The following MGAT5 variants were observed in gnomAD, a reference collection of about 807,000 sequenced individuals.
MGAT5 encodes alpha-1,6-mannosylglycoprotein 6-beta-N-acetylglucosaminyltransferase A.
Under a neutral mutation model 94.3 loss-of-function variants are expected in MGAT5, and 30 were observed. That is an observed-to-expected ratio of 0.32 (90% confidence interval 0.24 to 0.43). MGAT5 has a LOEUF of 0.43. MGAT5 is among the 20% of genes least tolerant of loss of function. MGAT5 has a pLI of 1.00. For missense variants in MGAT5, 691 were observed against 905.5 expected (o/e 0.76, Z 3.04); for synonymous variants, 310 against 322.9 (o/e 0.96, Z 0.43).
At chr2:134,179,134 TTCTTCTTCTACCTGGTTA>T (rs1688612957) in intron 1 of MGAT5, among the ~76,000 whole-genome samples, 4 of 152,174 alleles carry the variant, frequency 2.6e-5, no homozygotes, top group Admixed American at 2.0e-4. Context: ...CAAATAAGTG[TTCTTCTTCTACCTGGTTA>T]GTACCGTGTT....
chr2:134,274,397 C>A (rs538346034), intron 2 of MGAT5, among the ~76,000 whole-genome samples: 1 of 152,234 alleles, frequency 6.6e-6, no homozygotes, highest in South Asian at 2.1e-4. Flanking sequence ...TAGCAGACAC[C>A]GCCTAAGAAG....
chr2:134,161,239 C>G (rs1336577118), intron 1 of MGAT5, among the ~76,000 whole-genome samples: 1 of 152,208 alleles, frequency 6.6e-6, no homozygotes. Flanking sequence ...GATAACTGAG[C>G]AGGACCCGGG....
At chr2:134,243,459 G>A (rs1371876293) in intron 1 of MGAT5, among the ~76,000 whole-genome samples, 31 of 152,152 alleles carry the variant, frequency 2.0e-4, no homozygotes, top group Admixed American at 2.0e-3. Flanking sequence ...CAGTGTTTGG[G>A]AGAGTTGACC....
chr2:134,432,873 A>G (rs1260053870), intron 14 of MGAT5, among the ~76,000 whole-genome samples: 2 of 152,234 alleles, frequency 1.3e-5, no homozygotes, highest in South Asian at 2.1e-4. Flanking sequence ...AGCCTTCGCT[A>G]CGAGTTGCCG....
At position 134,213,035 on chromosome 2, in the gene MGAT5, A is replaced by G. The variant is rs369359923; in HGVS notation, c.-142-41227A>G. ...ATTGAAATACTGTTTTGCTGTTTGG[A>G]AGAGTCAGGTCTGCATAGGCCTTTT... On this transcript the variant is annotated intron_variant, in intron 1 of 16. Transcript: ENST00000409645. Among the ~76,000 whole-genome samples, 3 of 152,268 alleles carry G rather than the reference A, an allele frequency of 2.0e-5. No individual in the cohort carries two copies. In the East Asian group the frequency reaches 5.8e-4, roughly 29 times the overall value.
intron 1 of MGAT5, among the ~76,000 whole-genome samples, chr2:134,180,376 A>G (rs1688676791): frequency 1.3e-5 from 2 of 152,202 alleles, no homozygotes; most frequent in Non-Finnish European, 2.9e-5. Flanking sequence ...CTCTAGGGCT[A>G]TTTTTAATAC....
At chr2:134,223,687 A>G (rs1457713665) in intron 1 of MGAT5, among the ~76,000 whole-genome samples, 2 of 152,162 alleles carry the variant, frequency 1.3e-5, no homozygotes, top group Non-Finnish European at 2.9e-5. Context: ...TTTTTTTATT[A>G]AAGAGAATAT....
chr2:134,246,899 A>G (rs111337576), intron 1 of MGAT5, among the ~76,000 whole-genome samples: 5,537 of 152,322 alleles, frequency 0.036, 158 homozygotes, highest in Non-Finnish European at 0.054. Flanking sequence ...GTAAAAAGGT[A>G]TTTTATACAT....
intron 1 of MGAT5, among the ~76,000 whole-genome samples, chr2:134,192,284 C>T (rs1311587483): frequency 6.6e-6 from 1 of 152,194 alleles, no homozygotes; most frequent in African/African-American, 2.4e-5. Context: ...TTCCTCCTCC[C>T]ATGAGTGTGC....
chr2:134,326,757 G>A (rs1209541058), intron 4 of MGAT5, among the ~76,000 whole-genome samples: 3 of 152,144 alleles, frequency 2.0e-5, no homozygotes. Context: ...ATACTAAAGA[G>A]AGGGCAAGAA....
At chr2:134,192,782 T>C (rs950254081) in intron 1 of MGAT5, among the ~76,000 whole-genome samples, 3 of 152,156 alleles carry the variant, frequency 2.0e-5, no homozygotes, top group Admixed American at 2.0e-4. Flanking sequence ...AGCTTTTAAA[T>C]TGTGGTAAAA....
chr2:134,361,610 G>A (rs548975691), intron 9 of MGAT5, among the ~76,000 whole-genome samples: 53 of 152,172 alleles, frequency 3.5e-4, no homozygotes, highest in Non-Finnish European at 6.5e-4. Context: ...TTCCAGAATA[G>A]CCTACTCTGT....
At chr2:134,157,030 A>G (rs1430874494) in intron 1 of MGAT5, among the ~76,000 whole-genome samples, 1 of 152,316 alleles carries the variant, frequency 6.6e-6, no homozygotes, top group South Asian at 2.1e-4. Flanking sequence ...AACCAAAATC[A>G]TCATCTAAGT....
At chr2:134,270,305 T>C in intron 1 of MGAT5, 81 bp from the exon 2 acceptor site, 3 of 1,348,232 alleles carry the variant, frequency 2.2e-6, no homozygotes, top group Non-Finnish European at 3.1e-6. Context: ...GAAGTTTTGT[T>C]CTCCACGATA....
At chr2:134,253,516 T>C, upstream of MGAT5, among the ~76,000 whole-genome samples, 1 of 152,240 alleles carries the variant, frequency 6.6e-6, no homozygotes, top group East Asian at 1.9e-4. Flanking sequence ...TTTTGCCTCA[T>C]GGTGGGAGTG....
At position 134,448,929 on chromosome 2, in the gene MGAT5, C is replaced by A; in HGVS notation, c.*82C>A. The A allele has an allele frequency of 7.2e-7, 1 of 1,395,782 alleles. No homozygotes were observed. The highest frequency in any genetic ancestry group is 1.3e-5 in the South Asian group (1 of 80,000). 86.5% of individuals were successfully genotyped at this position (1,395,782 alleles called of 1,614,324 possible). A position where few individuals can be genotyped will look rare whatever the true frequency, so the allele number is the denominator to read the frequency against. ...GTCAGGCAGGGCCAGGGACAGAAGT[C>A]ATGCAGGGACTCTGGCAAGAGCCTG... On this transcript the variant is annotated 3_prime_UTR_variant, in exon 16 of 16. Transcript: ENST00000281923.
At chr2:134,402,518 G>A (rs756125715) in intron 10 of MGAT5, among the ~76,000 whole-genome samples, 2 of 152,290 alleles carry the variant, frequency 1.3e-5, no homozygotes, top group Middle Eastern at 6.8e-3. Context: ...GCTGGGGAAT[G>A]TTTGTATTCC....
At chr2:134,335,584 G>C (rs1688285731) in intron 4 of MGAT5, among the ~76,000 whole-genome samples, 1 of 151,398 alleles carries the variant, frequency 6.6e-6, no homozygotes, top group Admixed American at 6.6e-5. Flanking sequence ...CTTCCAGATT[G>C]GCTCTCACAA....
chr2:134,265,825 A>G (rs149716709), intron 1 of MGAT5, among the ~76,000 whole-genome samples: 3 of 152,346 alleles, frequency 2.0e-5, no homozygotes, highest in African/African-American at 7.2e-5. Flanking sequence ...TTATTAAACT[A>G]TAGAAATTAT....
Sources: allele counts gnomAD v4.1 joint callset (sites outside exome capture counted in the v4.1 genomes callset), GRCh38; gene constraint gnomAD v4.1.1; transcripts MANE v1.5; gene names NCBI Gene and HGNC (gene_info 2026-07-23, HGNC 2026-07-21).